The following NTNG1 variants were observed in gnomAD, a reference collection of about 807,000 sequenced individuals.
The protein encoded by NTNG1 is netrin-G1.
In NTNG1, 16 loss-of-function variants were observed where a neutral mutation model predicts 54.0. That is an observed-to-expected ratio of 0.30 (90% CI 0.20 to 0.45). The LOEUF (loss-of-function observed/expected upper bound fraction) is 0.45. NTNG1 is among the 20% of genes least tolerant of loss of function. The pLI is 1.00. For missense variants in NTNG1, 530 were observed against 678.7 expected (o/e 0.78, Z 2.43); for synonymous variants, 255 against 263.1 (o/e 0.97, Z 0.30).
At chr1:107,149,723 T>C (rs1654416424) in intron 2 of NTNG1, among the ~76,000 whole-genome samples, 1 of 152,130 alleles carries the variant, frequency 6.6e-6, no homozygotes, top group Admixed American at 6.6e-5. Context: ...TAAAATAGTA[T>C]ACATTAATGT....
intron 2 of NTNG1, among the ~76,000 whole-genome samples, chr1:107,264,104 C>T (rs1663568077): frequency 6.6e-6 from 1 of 151,966 alleles, no homozygotes. Context: ...TTAAACAGAT[C>T]CATGCCACCA....
intron 2 of NTNG1, among the ~76,000 whole-genome samples, chr1:107,160,886 T>G (rs1054743142): frequency 6.6e-6 from 1 of 152,202 alleles, no homozygotes; most frequent in Admixed American, 6.5e-5. Flanking sequence ...GGGGCCTACC[T>G]GACCACCCTA....
chr1:107,399,086 G>A (rs17018870), intron 4 of NTNG1, among the ~76,000 whole-genome samples: 21,869 of 151,318 alleles, frequency 0.14, 1,675 homozygotes, highest in East Asian at 0.21. Flanking sequence ...AGCACTCCAT[G>A]GCCAGCTAAG....
chr1:107,441,600 C>T (rs1054404031), intron 7 of NTNG1, among the ~76,000 whole-genome samples: 10 of 151,966 alleles, frequency 6.6e-5, no homozygotes, highest in African/African-American at 2.4e-4. Flanking sequence ...TAGATTGGGC[C>T]CACACATGTA....
chr1:107,188,640 G>A (rs1226684842), intron 2 of NTNG1, among the ~76,000 whole-genome samples: 1 of 152,072 alleles, frequency 6.6e-6, no homozygotes, highest in Non-Finnish European at 1.5e-5. Context: ...GAAATCATAT[G>A]AATAATATTA....
intron 2 of NTNG1, among the ~76,000 whole-genome samples, chr1:107,239,223 A>T (rs138312950): frequency 6.6e-6 from 1 of 152,220 alleles, no homozygotes. Context: ...CAGAATGTAA[A>T]CAATTTGAAT....
At chr1:107,308,911 G>T (rs540710108) in intron 2 of NTNG1, among the ~76,000 whole-genome samples, 16 of 152,218 alleles carry the variant, frequency 1.1e-4, no homozygotes, top group African/African-American at 3.9e-4. Context: ...GCATGGGATT[G>T]CGTACCTGAT....
chr1:107,272,977 A>G (rs1344995824), intron 2 of NTNG1, among the ~76,000 whole-genome samples: 1 of 152,248 alleles, frequency 6.6e-6, no homozygotes, highest in East Asian at 1.9e-4. Flanking sequence ...GCATATCTTT[A>G]CTGTCATTGT....
At chr1:107,404,751 G>A (rs1467562197) in intron 4 of NTNG1, among the ~76,000 whole-genome samples, 2 of 152,080 alleles carry the variant, frequency 1.3e-5, no homozygotes, top group Non-Finnish European at 2.9e-5. Context: ...TGTACAAAAT[G>A]CTATGGGATC....
intron 5 of NTNG1, among the ~76,000 whole-genome samples, chr1:107,413,025 A>G (rs531164511): frequency 6.6e-6 from 1 of 152,216 alleles, no homozygotes; most frequent in Admixed American, 6.5e-5. Flanking sequence ...TGTGTTTCTG[A>G]TAGTAGGTAG....
chr1:107,384,541 T>A (rs12048014), intron 3 of NTNG1, among the ~76,000 whole-genome samples: 1 of 151,962 alleles, frequency 6.6e-6, no homozygotes, highest in Non-Finnish European at 1.5e-5. Context: ...CATAGCAGTC[T>A]ATTTCTCTGT....
chr1:107,228,483 T>A (rs1255679832), intron 2 of NTNG1, among the ~76,000 whole-genome samples: 1 of 152,166 alleles, frequency 6.6e-6, no homozygotes, highest in Non-Finnish European at 1.5e-5. Flanking sequence ...AGTATGGCAA[T>A]CATTTCCATG....
At chr1:107,192,360 C>A (rs997839806) in intron 2 of NTNG1, among the ~76,000 whole-genome samples, 1 of 152,026 alleles carries the variant, frequency 6.6e-6, no homozygotes, top group African/African-American at 2.4e-5. Flanking sequence ...GCCTGCCCAG[C>A]GTGTTTCCTA....
At chr1:107,334,562 G>A (rs1051265049) in intron 3 of NTNG1, among the ~76,000 whole-genome samples, 1 of 151,750 alleles carries the variant, frequency 6.6e-6, no homozygotes, top group South Asian at 2.1e-4. Flanking sequence ...TGTATAGACA[G>A]GGTGTACGCC....
chr1:107,266,903 G>T (rs756234296), intron 2 of NTNG1, among the ~76,000 whole-genome samples: 14 of 152,046 alleles, frequency 9.2e-5, no homozygotes, highest in Non-Finnish European at 1.5e-4. Flanking sequence ...TAAGCTGTGG[G>T]TCTCATGTAC....
At chr1:107,354,053 A>G (rs1669786754) in intron 3 of NTNG1, among the ~76,000 whole-genome samples, 2 of 152,206 alleles carry the variant, frequency 1.3e-5, no homozygotes, top group Non-Finnish European at 2.9e-5. Context: ...ACAATTTGAC[A>G]TGAGATTTTG....
At chr1:107,215,368 C>G (rs937578733) in intron 2 of NTNG1, among the ~76,000 whole-genome samples, 1 of 152,122 alleles carries the variant, frequency 6.6e-6, no homozygotes, top group African/African-American at 2.4e-5. Flanking sequence ...CCAATTATCC[C>G]AGCACCTTTT....
At chr1:107,231,160 A>G (rs1037775558) in intron 2 of NTNG1, among the ~76,000 whole-genome samples, 3 of 152,206 alleles carry the variant, frequency 2.0e-5, no homozygotes, top group Admixed American at 2.0e-4. Flanking sequence ...ATTCATGTAA[A>G]CTACCTGTAC....
chr1:107,161,948 A>AC (rs1655438414), intron 2 of NTNG1, among the ~76,000 whole-genome samples: 1 of 151,742 alleles, frequency 6.6e-6, no homozygotes, highest in Non-Finnish European at 1.5e-5. Context: ...AGAAAAAAAA[A>AC]ACTATTCTGT....
Sources: gnomAD v4.1 joint callset for allele counts (sites outside exome capture counted in the v4.1 genomes callset) on GRCh38, gnomAD v4.1.1 for gene constraint, MANE v1.5 for transcripts, NCBI Gene and HGNC (gene_info 2026-07-23, HGNC 2026-07-21) for gene names.